SLC44A1: variants seen among roughly 807,000 people sequenced by gnomAD.
The protein encoded by SLC44A1 is solute carrier family 44 member 1.
A neutral mutation model predicts 79.3 loss-of-function variants in SLC44A1; 26 were observed. The observed-to-expected ratio is 0.33, with a 90% CI of 0.24 to 0.46. SLC44A1 has a LOEUF of 0.46. Ranked by LOEUF, SLC44A1 falls within the 20% of genes least tolerant of loss-of-function variation. The probability of loss-of-function intolerance (pLI) is 1.00; values close to 1 mark genes in which losing one functional copy is unlikely to be tolerated. For synonymous variants in SLC44A1, 263 were observed against 286.2 expected (o/e 0.92, Z 0.82); for missense variants, 688 against 798.1 (o/e 0.86, Z 1.66).
At chr9:105,351,485 A>G (rs980862266) in intron 5 of SLC44A1, among the ~76,000 whole-genome samples, 1 of 151,610 alleles carries the variant, frequency 6.6e-6, no homozygotes, top group African/African-American at 2.4e-5. Flanking sequence ...GTGAGCCAAG[A>G]TTGTGCCACT....
intron 1 of SLC44A1, chr9:105,294,796 C>T (rs180989043): frequency 2.7e-5 from 4 of 149,578 alleles, no homozygotes; most frequent in Non-Finnish European, 5.9e-5. Flanking sequence ...ATTTCAATTA[C>T]ATGTATGTCA....
rs992216138 is a variant in SLC44A1 at position 105,334,412 on chromosome 9, A to G, written c.270-1151A>G. On this transcript the variant is annotated intron_variant, in intron 3 of 15. Coordinates refer to ENST00000374720, the MANE Select transcript of SLC44A1 (RefSeq NM_080546.5). ...TTATAGTTTCCATTTTAGCATATGT[A>G]TTGACTTTACCTTTTCTGCTTTTCA... 3.3e-5 allele frequency among the ~76,000 whole-genome samples: 5 copies of G among 150,102 alleles called. No homozygotes were observed. The East Asian group carries it at 9.8e-4, about 29-fold the overall frequency.
At chr9:105,269,403 C>T (rs1224740773) in intron 1 of SLC44A1, among the ~76,000 whole-genome samples, 1 of 152,148 alleles carries the variant, frequency 6.6e-6, no homozygotes, top group Non-Finnish European at 1.5e-5. Context: ...TAGTCCATTT[C>T]CTCCCATGTT....
At chr9:105,319,661 A>G (rs188072750) in intron 3 of SLC44A1, among the ~76,000 whole-genome samples, 1 of 152,132 alleles carries the variant, frequency 6.6e-6, no homozygotes, top group Admixed American at 6.5e-5. Context: ...CCTAAAACAC[A>G]TTGTTAGACT....
Position 105,278,848 on chromosome 9 carries a change from G to T in SLC44A1, c.37-20372G>T, listed in dbSNP as rs138409619. Among the ~76,000 whole-genome samples the T allele has an allele frequency of 1.2e-4, 18 of 152,188 alleles. No individual in the cohort carries two copies. In the South Asian group the frequency reaches 1.7e-3, roughly 14 times the overall value. On this transcript the variant is annotated intron_variant, in intron 1 of 15. Coordinates refer to ENST00000374720, the MANE Select transcript of SLC44A1 (RefSeq NM_080546.5). ...TTTAAGGTCATCTTATATTGCCAAGGCTTTCTCTTTAATCATGAGAAAACT... is the reference window on the plus strand; with the variant it reads ...TTTAAGGTCATCTTATATTGCCAAGTCTTTCTCTTTAATCATGAGAAAACT...
rs573902220 is a variant in SLC44A1, at chr9:105,263,996, T to G, written c.36+19092T>G. On this transcript the variant is annotated intron_variant, in intron 1 of 15. Transcript: ENST00000374720. ...TCTTTAATATGCTTATACTGCTACCTCCTCGCTTTTCAATTTTTGACATTA... is the reference window on the plus strand; with the variant it reads ...TCTTTAATATGCTTATACTGCTACCGCCTCGCTTTTCAATTTTTGACATTA... Among the ~76,000 whole-genome samples, 21 of 152,260 alleles carry G rather than the reference T, an allele frequency of 1.4e-4. No homozygotes were observed. In the South Asian group the frequency reaches 4.1e-3, roughly 30 times the overall value.
At chr9:105,376,497 C>CCA (rs1564467419) in intron 13 of SLC44A1, among the ~76,000 whole-genome samples, 1 of 152,014 alleles carries the variant, frequency 6.6e-6, no homozygotes, top group Non-Finnish European at 1.5e-5. Flanking sequence ...CCTTAGCCTC[C>CCA]CAAGTAGCTG....
chr9:105,322,239 G>A (rs1190240194), intron 3 of SLC44A1, among the ~76,000 whole-genome samples: 1 of 152,140 alleles, frequency 6.6e-6, no homozygotes, highest in African/African-American at 2.4e-5. Flanking sequence ...TTTCACCATG[G>A]GTTGGATATA....
Position 105,385,350 on chromosome 9 carries a change from T to G in SLC44A1, c.1870-72T>G, listed in dbSNP as rs1201615341. 3.7e-6 allele frequency: 4 copies of G among 1,073,700 alleles called. No individual in the cohort carries two copies. The Admixed American group carries it at 6.5e-5, about 18-fold the overall frequency. The allele number at this position is 1,073,700 out of a possible 1,614,324, so 66.5% of individuals were successfully genotyped here. On this transcript the variant is annotated intron_variant, in intron 14 of 15. Transcript: ENST00000374720. ...CAAGATTGAGTCAAAAATGTAGATG[T>G]TCTTTAGAATTCATCTACTAACAAA...
chr9:105,262,817 C>A (rs1430345575), intron 1 of SLC44A1, among the ~76,000 whole-genome samples: 1 of 152,164 alleles, frequency 6.6e-6, no homozygotes, highest in Non-Finnish European at 1.5e-5. Flanking sequence ...CATTTATCTT[C>A]CAGCTTTCTC....
intron 12 of SLC44A1, among the ~76,000 whole-genome samples, chr9:105,374,133 T>C (rs1468621638): frequency 2.0e-5 from 3 of 152,252 alleles, no homozygotes; most frequent in East Asian, 3.9e-4. Flanking sequence ...AGTGAGAGGA[T>C]AGAAGAAAGC....
Position 105,372,576 on chromosome 9 carries a change from C to T in SLC44A1, c.1495-2022C>T, listed in dbSNP as rs190532367. On this transcript the variant is annotated intron_variant, in intron 12 of 15. Coordinates refer to ENST00000374720, the MANE Select transcript of SLC44A1 (RefSeq NM_080546.5). ...AAGTGCTGGGATTACAAGCGTGAGCCACCACACCCGTCTTCATACTGTGTT... is the reference window on the plus strand; with the variant it reads ...AAGTGCTGGGATTACAAGCGTGAGCTACCACACCCGTCTTCATACTGTGTT... 9.2e-5 allele frequency among the ~76,000 whole-genome samples: 14 copies of T among 151,982 alleles called. No individual in the cohort carries two copies. The East Asian group carries it at 2.7e-3, about 30-fold the overall frequency.
At chr9:105,378,414 AGTTGAGCTGT>A (rs1828361916) in intron 13 of SLC44A1, among the ~76,000 whole-genome samples, 1 of 152,178 alleles carries the variant, frequency 6.6e-6, no homozygotes, top group Non-Finnish European at 1.5e-5. Flanking sequence ...TGTTTTTTAC[AGTTGAGCTGT>A]GCTCAATTTT....
chr9:105,388,477 C>T (rs1024054394), intron 15 of SLC44A1, among the ~76,000 whole-genome samples: 1 of 152,124 alleles, frequency 6.6e-6, no homozygotes, highest in African/African-American at 2.4e-5. Flanking sequence ...CCTCCCTCCT[C>T]AATGAGATAT....
At chr9:105,285,481 G>A (rs553391407) in intron 1 of SLC44A1, among the ~76,000 whole-genome samples, 284 of 152,268 alleles carry the variant, frequency 1.9e-3, no homozygotes, top group Non-Finnish European at 3.3e-3. Context: ...ACTGTCTCAC[G>A]CGTCCATGTG....
At chr9:105,291,152 A>G (rs1009496971) in intron 1 of SLC44A1, among the ~76,000 whole-genome samples, 1 of 152,202 alleles carries the variant, frequency 6.6e-6, no homozygotes, top group South Asian at 2.1e-4. Context: ...TGCTCACTCT[A>G]TTGAAAACTG....
chr9:105,394,790 G>A lies in SLC44A1; in HGVS notation c.*5734G>A. 1 of 985,396 alleles carries A rather than the reference G, an allele frequency of 1.0e-6. No individual in the cohort carries two copies. Among genetic ancestry groups the A allele is most frequent in the Non-Finnish European group, 1.2e-6 (1 of 829,938 alleles). The allele number at this position is 985,396 out of a possible 1,614,324, so 61.0% of individuals were successfully genotyped here. A position where few individuals can be genotyped will look rare whatever the true frequency, so the allele number is the denominator to read the frequency against. On this transcript the variant is annotated 3_prime_UTR_variant, in exon 16 of 16. Transcript: ENST00000374720. ...AGGAGCAGATGCTGAAGGTAGAAAT[G>A]CAAAAGATGTTTTTTCTTCCTGCAT...
chr9:105,317,658 A>G (rs1011323809), intron 3 of SLC44A1, among the ~76,000 whole-genome samples: 9 of 152,128 alleles, frequency 5.9e-5, no homozygotes, highest in African/African-American at 2.2e-4. Flanking sequence ...TTGAGTCTAC[A>G]GGTTGGAATT....
At chr9:105,323,138 C>T (rs1259615093) in intron 3 of SLC44A1, among the ~76,000 whole-genome samples, 2 of 148,920 alleles carry the variant, frequency 1.3e-5, no homozygotes, top group Non-Finnish European at 3.0e-5. Context: ...ATTGCTTGAA[C>T]CCAGGAGGCA....
Sources: gnomAD v4.1 joint callset for allele counts (sites outside exome capture counted in the v4.1 genomes callset) on GRCh38, gnomAD v4.1.1 for gene constraint, MANE v1.5 for transcripts, NCBI Gene and HGNC (gene_info 2026-07-23, HGNC 2026-07-21) for gene names.